CYP2C19: variants seen among roughly 807,000 people sequenced by gnomAD.
The protein encoded by CYP2C19 is cytochrome P450 family 2 subfamily C member 19, also known as cytochrome P450 2C19.
Under a neutral mutation model 40.9 loss-of-function variants are expected in CYP2C19, and 59 were observed. The ratio of observed to expected loss-of-function variants is 1.44; its 90% CI spans 1.17 to 1.79. CYP2C19 has a LOEUF of 1.79. Ranked by LOEUF, CYP2C19 falls within the 40% of genes most tolerant of loss-of-function variation. The probability of loss-of-function intolerance (pLI) is 0.00; values close to 1 mark genes in which losing one functional copy is unlikely to be tolerated. For synonymous variants in CYP2C19, 253 were observed against 208.7 expected, an observed-to-expected ratio of 1.21 and a Z score of -1.83; for missense variants, 754 against 596.9, an observed-to-expected ratio of 1.26 and a Z score of -2.74.
intron 5 of CYP2C19, among the ~76,000 whole-genome samples, chr10:94,805,841 G>A (rs779540038): frequency 2.0e-5 from 3 of 152,140 alleles, no homozygotes; most frequent in Admixed American, 6.5e-5. Context: ...TTATAAAGTT[G>A]GCCTATCACA....
chr10:94,800,582 C>A lies in CYP2C19; in HGVS notation c.819+18585C>A, dbSNP rs182081238. Among the ~76,000 whole-genome samples the A allele has an allele frequency of 3.1e-3, 474 of 152,334 alleles. 3 individuals carry two copies. Among genetic ancestry groups the A allele is most frequent in the African/African-American group, 0.011 (451 of 41,574 alleles). On this transcript the variant is annotated intron_variant, in intron 5 of 8. Transcript: ENST00000371321. ...AGCTGTCAGATAGGGATGTTTAAGT[C>A]TGCAGAAGTTGTCTGCTGCCTTTTT...
intron 6 of CYP2C19, among the ~76,000 whole-genome samples, chr10:94,836,436 GC>G: frequency 6.6e-6 from 1 of 152,262 alleles, no homozygotes; most frequent in Admixed American, 6.5e-5. Context: ...TGCCCTGTTG[GC>G]AAGCTTAACA....
intron 4 of CYP2C19, among the ~76,000 whole-genome samples, chr10:94,781,129 A>T (rs533341363): frequency 2.8e-4 from 42 of 152,322 alleles, no homozygotes; most frequent in East Asian, 9.6e-4. Context: ...GAAACACTGA[A>T]TAGGGCAGAG....
rs6144036 is a variant in CYP2C19, at chr10:94,779,551, T to TTTTTCTTTTCTTTTCTTTTCTTTTC, written c.482-929_482-928insCTTTTCTTTTCTTTTCTTTTCTTTT. On this transcript the variant is annotated intron_variant, in intron 3 of 8. Transcript: ENST00000371321. ...CCATTTATTAATTTACTTTTTTTCC[T>TTTTTCTTTTCTTTTCTTTTCTTTTC]TTTTCTTTTCTTTTCTTTTTTTTTT... Among the ~76,000 whole-genome samples the TTTTTCTTTTCTTTTCTTTTCTTTTC allele has an allele frequency of 3.1e-4, 42 of 136,188 alleles. No homozygotes were observed. In the South Asian group the frequency reaches 3.3e-3, roughly 11 times the overall value. 89.3% of individuals were successfully genotyped at this position (136,188 alleles called of 152,430 possible). A position where few individuals can be genotyped will look rare whatever the true frequency, so the allele number is the denominator to read the frequency against.
chr10:94,788,943 A>G (rs1564665363), intron 5 of CYP2C19, among the ~76,000 whole-genome samples: 1 of 152,174 alleles, frequency 6.6e-6, no homozygotes, highest in Non-Finnish European at 1.5e-5. Context: ...ACAATGATTG[A>G]ACTAATTTAC....
chr10:94,835,539 GCTCT>G (rs896204482), intron 6 of CYP2C19, among the ~76,000 whole-genome samples: 6 of 152,102 alleles, frequency 3.9e-5, no homozygotes, highest in African/African-American at 1.4e-4. Flanking sequence ...CTGCCTTGCA[GCTCT>G]TTTGGCCTCA....
At chr10:94,795,085 A>G (rs1044250866) in intron 5 of CYP2C19, among the ~76,000 whole-genome samples, 1 of 151,416 alleles carries the variant, frequency 6.6e-6, no homozygotes, top group Non-Finnish European at 1.5e-5. Context: ...TACATGTGCC[A>G]TGTTGGTGTG....
intron 6 of CYP2C19, among the ~76,000 whole-genome samples, chr10:94,827,023 T>C (rs1461089090): frequency 6.6e-6 from 1 of 152,128 alleles, no homozygotes; most frequent in Non-Finnish European, 1.5e-5. Flanking sequence ...CACTCGATCA[T>C]GGTGGATAAG....
chr10:94,852,384 C>G (rs995042944), intron 8 of CYP2C19, among the ~76,000 whole-genome samples: 3 of 152,168 alleles, frequency 2.0e-5, no homozygotes, highest in Non-Finnish European at 2.9e-5. Context: ...ACCCACTGGA[C>G]AGGTAATGTA....
At position 94,820,524 on chromosome 10, in the gene CYP2C19, C is replaced by T. The variant is rs201391010; in HGVS notation, c.848C>T (p.Thr283Ile). The change falls in exon 6 of 9, where the codon ACT becomes ATT. Residue 283 changes from threonine (T) to isoleucine (I), a missense_variant. By Grantham distance (89) the Thr-to-Ile change is moderately conservative (BLOSUM62 -1). Transcript: ENST00000371321. ...AAGCAAAACCAACAGTCTGAATTCACTATTGAAAACTTGGTAATCACTGCA... is the reference window on the plus strand; with the variant it reads ...AAGCAAAACCAACAGTCTGAATTCATTATTGAAAACTTGGTAATCACTGCA... The part of the protein sequence containing the change: ...KEKQNQQSEF[T>I]IENLVITAAD... 17 of 1,614,034 alleles carry T rather than the reference C, an allele frequency of 1.1e-5. No individual in the cohort carries two copies. Among genetic ancestry groups the T allele is most frequent in the Admixed American group, 1.7e-5 (1 of 59,988 alleles).
At chr10:94,791,880 G>A (rs1235688700) in intron 5 of CYP2C19, among the ~76,000 whole-genome samples, 1 of 152,090 alleles carries the variant, frequency 6.6e-6, no homozygotes, top group African/African-American at 2.4e-5. Flanking sequence ...TGTCTATTAG[G>A]TCCACTTGGT....
At chr10:94,850,115 G>T (rs906534227) in intron 8 of CYP2C19, 57 bp downstream of exon 8, 1 of 1,595,710 alleles carries the variant, frequency 6.3e-7, no homozygotes, top group Admixed American at 1.7e-5. Context: ...TTTTTGATCA[G>T]TTGGAACTTA....
chr10:94,814,582 A>C (rs1377542915), intron 5 of CYP2C19, among the ~76,000 whole-genome samples: 2 of 151,744 alleles, frequency 1.3e-5, no homozygotes, highest in Non-Finnish European at 2.9e-5. Flanking sequence ...ATCAGCAATA[A>C]TTTTGGGTGC....
chr10:94,838,927 A>C (rs1490245892), intron 6 of CYP2C19, among the ~76,000 whole-genome samples: 1 of 152,120 alleles, frequency 6.6e-6, no homozygotes, highest in Non-Finnish European at 1.5e-5. Context: ...CTGCAGAAAA[A>C]TATAAGTCAT....
chr10:94,844,716 C>T (rs1480812082), intron 7 of CYP2C19, among the ~76,000 whole-genome samples: 1 of 152,128 alleles, frequency 6.6e-6, no homozygotes, highest in Non-Finnish European at 1.5e-5. Context: ...TGATTTAGTA[C>T]AAGAGTTAAG....
intron 5 of CYP2C19, among the ~76,000 whole-genome samples, chr10:94,809,607 A>C (rs1247373938): frequency 6.6e-6 from 1 of 151,618 alleles, no homozygotes; most frequent in Non-Finnish European, 1.5e-5. Flanking sequence ...TATTATGTTA[A>C]ATAGAAGTGG....
At chr10:94,772,003 C>G (rs1383945788) in intron 1 of CYP2C19, among the ~76,000 whole-genome samples, 1 of 152,224 alleles carries the variant, frequency 6.6e-6, no homozygotes, top group Admixed American at 6.5e-5. Context: ...GTTGCCCTTA[C>G]CAATGCATTC....
In CYP2C19 at chr10:94,782,009, A is replaced by G. The variant is rs772481099; in HGVS notation, c.819+12A>G. 7.8e-6 allele frequency: 12 copies of G among 1,533,226 alleles called. No homozygotes were observed. The highest frequency in any genetic ancestry group is 1.0e-5 in the Non-Finnish European group (12 of 1,148,636). The allele number at this position is 1,533,226 out of a possible 1,614,324, so 95.0% of individuals were successfully genotyped here. Reference sequence around the variant, plus strand: ...TCAAAATGGAGAAGGTAAAATGTTAACAAAAGCTTAGTTATGTGACTGCTT... The same window carrying G: ...TCAAAATGGAGAAGGTAAAATGTTAGCAAAAGCTTAGTTATGTGACTGCTT... On this transcript the variant is annotated intron_variant, in intron 5 of 8. Transcript: ENST00000371321.
intron 6 of CYP2C19, among the ~76,000 whole-genome samples, chr10:94,826,138 C>T (rs908610581): frequency 1.8e-4 from 27 of 151,992 alleles, no homozygotes; most frequent in African/African-American, 5.8e-4. Flanking sequence ...CTTGGTGATG[C>T]GGGCTCTTTT....
Sources: allele counts gnomAD v4.1 joint callset (sites outside exome capture counted in the v4.1 genomes callset), GRCh38; gene constraint gnomAD v4.1.1; transcripts MANE v1.5; gene names NCBI Gene and HGNC (gene_info 2026-07-23, HGNC 2026-07-21).